CTNNA2: variants seen among roughly 807,000 people sequenced by gnomAD.
CTNNA2 encodes the protein catenin alpha-2.
A neutral mutation model predicts 101.0 loss-of-function variants in CTNNA2; 42 were observed. The ratio of observed to expected loss-of-function variants is 0.42; its 90% CI spans 0.32 to 0.54. The LOEUF (loss-of-function observed/expected upper bound fraction) is 0.54. Ranked by LOEUF, CTNNA2 falls within the 20% of genes least tolerant of loss-of-function variation. The pLI, the probability that CTNNA2 is intolerant of heterozygous loss-of-function variation, is 0.14. For missense variants in CTNNA2, 871 were observed against 1,223.1 expected (o/e 0.71, Z 4.29); for synonymous variants, 450 against 456.4 (o/e 0.99, Z 0.18).
chr2:79,673,665 CTT>C (rs1682996739), intron 2 of CTNNA2, among the ~76,000 whole-genome samples: 1 of 152,086 alleles, frequency 6.6e-6, no homozygotes, highest in Non-Finnish European at 1.5e-5. Flanking sequence ...AAAAAACACT[CTT>C]GTTTTATCTT....
At chr2:80,349,348 A>G (rs1490674747) in intron 7 of CTNNA2, among the ~76,000 whole-genome samples, 1 of 152,156 alleles carries the variant, frequency 6.6e-6, no homozygotes, top group Non-Finnish European at 1.5e-5. Flanking sequence ...GCTAGCAAAA[A>G]GGCAGCTTTG....
At chr2:80,612,051 T>C (rs1430678716) in intron 17 of CTNNA2, among the ~76,000 whole-genome samples, 1 of 151,596 alleles carries the variant, frequency 6.6e-6, no homozygotes, top group African/African-American at 2.4e-5. Flanking sequence ...ATGAATGGAT[T>C]ACTGACCTAT....
At chr2:79,891,161 T>C (rs533123178) in intron 6 of CTNNA2, among the ~76,000 whole-genome samples, 110 of 152,122 alleles carry the variant, frequency 7.2e-4, no homozygotes, top group Non-Finnish European at 1.4e-3. Context: ...TGCCCATACA[T>C]ATTACTTGAG....
chr2:79,728,763 G>A (rs1687019542), intron 2 of CTNNA2, among the ~76,000 whole-genome samples: 1 of 152,172 alleles, frequency 6.6e-6, no homozygotes, highest in Non-Finnish European at 1.5e-5. Context: ...TAAGGTGTAA[G>A]GAAGGGATCC....
At chr2:79,567,474 T>C (rs1675184722) in intron 1 of CTNNA2, among the ~76,000 whole-genome samples, 1 of 152,058 alleles carries the variant, frequency 6.6e-6, no homozygotes, top group East Asian at 1.9e-4. Context: ...ATGCCATTGC[T>C]CCAACAGGAA....
intron 7 of CTNNA2, among the ~76,000 whole-genome samples, chr2:80,065,315 GC>G (rs1697907395): frequency 6.6e-6 from 1 of 151,926 alleles, no homozygotes; most frequent in Non-Finnish European, 1.5e-5. Flanking sequence ...AGTGGTAAAG[GC>G]CATTGTATCT....
intron 3 of CTNNA2, among the ~76,000 whole-genome samples, chr2:79,801,492 T>C (rs1460175609): frequency 6.6e-6 from 1 of 152,190 alleles, no homozygotes; most frequent in African/African-American, 2.4e-5. Context: ...CTAGGGCTAA[T>C]AGATAAGAGC....
intron 2 of CTNNA2, among the ~76,000 whole-genome samples, chr2:79,279,294 G>T (rs1675298169): frequency 6.6e-6 from 1 of 152,082 alleles, no homozygotes; most frequent in Admixed American, 6.6e-5. Flanking sequence ...TCAGAAGGCA[G>T]GAGTGGATGG....
At chr2:80,543,861 C>T (rs912795905) in intron 9 of CTNNA2, among the ~76,000 whole-genome samples, 5 of 152,252 alleles carry the variant, frequency 3.3e-5, no homozygotes, top group South Asian at 2.1e-4. Context: ...CCACAAGACT[C>T]CAGGGATTCT....
intron 9 of CTNNA2, among the ~76,000 whole-genome samples, chr2:80,499,284 G>T (rs899171337): frequency 3.3e-5 from 5 of 152,152 alleles, no homozygotes; most frequent in African/African-American, 1.2e-4. Flanking sequence ...CTATGTGAAT[G>T]GTGCCCCCTG....
chr2:79,652,413 A>G (rs1681324732), intron 2 of CTNNA2, among the ~76,000 whole-genome samples: 1 of 152,126 alleles, frequency 6.6e-6, no homozygotes, highest in South Asian at 2.1e-4. Flanking sequence ...CTCTAGAAGA[A>G]AATCCATTTT....
At chr2:80,226,134 G>A (rs1314352296) in intron 7 of CTNNA2, among the ~76,000 whole-genome samples, 2 of 152,132 alleles carry the variant, frequency 1.3e-5, no homozygotes, top group East Asian at 1.9e-4. Flanking sequence ...GGCCTTCCAT[G>A]ACTTCAGCTA....
At chr2:80,052,046 C>T (rs1380661498) in intron 7 of CTNNA2, among the ~76,000 whole-genome samples, 2 of 152,086 alleles carry the variant, frequency 1.3e-5, no homozygotes, top group African/African-American at 4.8e-5. Flanking sequence ...AAGGACAACA[C>T]GGATACATCA....
chr2:80,567,211 G>T (rs142711418), intron 12 of CTNNA2, among the ~76,000 whole-genome samples: 1 of 151,862 alleles, frequency 6.6e-6, no homozygotes, highest in East Asian at 1.9e-4. Context: ...AATACTTAAA[G>T]ACCTTCTATT....
intron 3 of CTNNA2, among the ~76,000 whole-genome samples, chr2:79,827,689 A>T (rs928217723): frequency 3.3e-5 from 5 of 152,224 alleles, no homozygotes; most frequent in African/African-American, 9.6e-5. Flanking sequence ...AGGAATATGT[A>T]TCATTATATG....
chr2:79,664,509 G>A (rs917015087), intron 2 of CTNNA2, among the ~76,000 whole-genome samples: 10 of 151,948 alleles, frequency 6.6e-5, no homozygotes, highest in African/African-American at 2.4e-4. Context: ...CTTGACCATG[G>A]TTTCCAGATT....
At chr2:80,001,984 A>G (rs1260144186) in intron 7 of CTNNA2, among the ~76,000 whole-genome samples, 1 of 152,222 alleles carries the variant, frequency 6.6e-6, no homozygotes, top group East Asian at 1.9e-4. Flanking sequence ...ATTTGTGAAC[A>G]TACCTCTCTG....
intron 2 of CTNNA2, among the ~76,000 whole-genome samples, chr2:79,210,021 C>T (rs927069163): frequency 1.3e-4 from 20 of 151,360 alleles, no homozygotes; most frequent in African/African-American, 4.9e-4. Context: ...GGAATTATGA[C>T]CATCCACTGT....
At chr2:79,455,831 T>C (rs961461018) in intron 4 of CTNNA2, among the ~76,000 whole-genome samples, 8 of 152,212 alleles carry the variant, frequency 5.3e-5, no homozygotes, top group African/African-American at 1.7e-4. Flanking sequence ...GTGACCTATT[T>C]TCTCACTACT....
Sources: gnomAD v4.1 joint callset for allele counts (sites outside exome capture counted in the v4.1 genomes callset) on GRCh38, gnomAD v4.1.1 for gene constraint, MANE v1.5 for transcripts, NCBI Gene and HGNC (gene_info 2026-07-23, HGNC 2026-07-21) for gene names.